Variants in CR1L observed in about 807,000 individuals in gnomAD.
CR1L encodes the protein complement C3b/C4b receptor 1 like.
A neutral mutation model predicts 62.3 loss-of-function variants in CR1L; 59 were observed. The ratio of observed to expected loss-of-function variants is 0.95; its 90% CI spans 0.77 to 1.18. CR1L has a LOEUF of 1.18. Among genes scored for constraint, CR1L ranks in the 50% most tolerant of loss-of-function variants. The pLI is 0.00. For missense variants in CR1L, 700 were observed against 702.8 expected (o/e 1.00, Z 0.04); for synonymous variants, 279 against 248.7 (o/e 1.12, Z -1.15).
At chr1:207,706,240 C>T (rs1664266259) in intron 9 of CR1L, among the ~76,000 whole-genome samples, 1 of 151,362 alleles carries the variant, frequency 6.6e-6, no homozygotes, top group Non-Finnish European at 1.5e-5. Context: ...GGCAATAAGG[C>T]AAAACCCCAT....
intron 4 of CR1L, among the ~76,000 whole-genome samples, chr1:207,685,276 C>T (rs189255829): frequency 3.9e-3 from 589 of 152,284 alleles, no homozygotes; most frequent in African/African-American, 0.013. Flanking sequence ...CTTTTGACTG[C>T]GTAGCATGGT....
At chr1:207,710,848 T>G in intron 10 of CR1L, 1 of 1,405,368 alleles carries the variant, frequency 7.1e-7, no homozygotes, top group Non-Finnish European at 1.0e-6. Flanking sequence ...GATCAGGAGA[T>G]GAGTATTTGT....
chr1:207,690,762 C>T (rs550351510), intron 4 of CR1L, among the ~76,000 whole-genome samples: 1 of 152,314 alleles, frequency 6.6e-6, no homozygotes, highest in East Asian at 1.9e-4. Flanking sequence ...TCTCTTCAGG[C>T]TTCCTTCCAG....
chr1:207,694,750 G>A lies in CR1L; in HGVS notation c.861G>A (p.Arg287=), dbSNP rs775674590. Residue 287 remains arginine (R), a splice_region_variant and synonymous_variant, in exon 5 of 12, where the codon AGG becomes AGA. Coordinates refer to ENST00000508064, the MANE Select transcript of CR1L (RefSeq NM_175710.2). ...KWEPELPSCS[R]VCQPPPDVLH... is the part of the protein sequence containing the mutation. ...AGCCAGAGTTACCAAGCTGCTCCAG[G>A]GGTGAGTCTGACTGAGGCCTAGAAG... 4 of 1,611,864 alleles carry A rather than the reference G, an allele frequency of 2.5e-6. No homozygotes were observed. The highest frequency in any genetic ancestry group is 2.5e-6 in the Non-Finnish European group (3 of 1,179,726).
chr1:207,698,474 A>C (rs543693261), intron 7 of CR1L, among the ~76,000 whole-genome samples: 1 of 152,154 alleles, frequency 6.6e-6, no homozygotes, highest in Non-Finnish European at 1.5e-5. Context: ...ATGTCCACCT[A>C]GTGCTCTTCA....
chr1:207,719,721 C>A (rs1040337852), intron 11 of CR1L, among the ~76,000 whole-genome samples: 2 of 144,074 alleles, frequency 1.4e-5, no homozygotes, highest in Non-Finnish European at 3.0e-5. Context: ...CTGTCTCAAA[C>A]ACACACACAC....
intron 10 of CR1L, among the ~76,000 whole-genome samples, chr1:207,713,164 G>A (rs1320680211): frequency 1.3e-5 from 2 of 152,096 alleles, no homozygotes. Flanking sequence ...CCTAAATACA[G>A]TCACTGATCT....
intron 1 of CR1L, chr1:207,652,524 T>C (rs1388250074): frequency 7.5e-7 from 1 of 1,330,022 alleles, no homozygotes. Flanking sequence ...TTCATCTTCA[T>C]GTTCCTATTC....
At chr1:207,662,867 T>A (rs554152209) in intron 1 of CR1L, among the ~76,000 whole-genome samples, 1 of 152,322 alleles carries the variant, frequency 6.6e-6, no homozygotes, top group South Asian at 2.1e-4. Flanking sequence ...CTTCTAACAG[T>A]CAGGACCCTC....
In CR1L at chr1:207,699,275, G is replaced by C. The variant is rs374206906; in HGVS notation, c.1228+1G>C. On this transcript the variant is annotated splice_donor_variant, in intron 8 of 11. Coordinates refer to ENST00000508064, the MANE Select transcript of CR1L (RefSeq NM_175710.2). LOFTEE classifies it high-confidence loss of function. ...AATAGCAGTGTTCCAGTGTGTGAAC[G>C]TAAGTAATAGGAGTAACATTTCAGG... 2 of 1,613,632 alleles carry C rather than the reference G, an allele frequency of 1.2e-6. No individual in the cohort carries two copies. Among genetic ancestry groups the C allele is most frequent in the Admixed American group, 1.7e-5 (1 of 60,000 alleles).
intron 8 of CR1L, among the ~76,000 whole-genome samples, chr1:207,699,759 A>G (rs1373645081): frequency 6.6e-6 from 1 of 152,214 alleles, no homozygotes; most frequent in Non-Finnish European, 1.5e-5. Context: ...TATTGATCAC[A>G]TACTTTGTGC....
chr1:207,656,892 A>G (rs1046391216), intron 1 of CR1L, among the ~76,000 whole-genome samples: 6 of 152,218 alleles, frequency 3.9e-5, no homozygotes, highest in Admixed American at 6.5e-5. Flanking sequence ...AACCATATCA[A>G]TAGGTATTTA....
chr1:207,674,581 G>A (rs1385020091), intron 1 of CR1L, among the ~76,000 whole-genome samples: 1 of 152,232 alleles, frequency 6.6e-6, no homozygotes, highest in Non-Finnish European at 1.5e-5. Flanking sequence ...ATAAAGGTAA[G>A]AATATTAGGT....
Position 207,668,219 on chromosome 1 carries a change from C to T in CR1L, c.98-9170C>T, listed in dbSNP as rs139347711. ...TATGATGAAAAGATATCTGCACTCTCACATTCAATGATGCACTATTCACAA... is the reference window on the plus strand; with the variant it reads ...TATGATGAAAAGATATCTGCACTCTTACATTCAATGATGCACTATTCACAA... On this transcript the variant is annotated intron_variant, in intron 1 of 11. Coordinates refer to ENST00000508064, the MANE Select transcript of CR1L (RefSeq NM_175710.2). 1.3e-5 allele frequency among the ~76,000 whole-genome samples: 2 copies of T among 151,248 alleles called. 1 individual carries two copies. Among genetic ancestry groups the T allele is most frequent in the African/African-American group, 4.9e-5 (2 of 40,532 alleles).
At chr1:207,706,973 G>A (rs1229039267) in intron 9 of CR1L, among the ~76,000 whole-genome samples, 1 of 152,126 alleles carries the variant, frequency 6.6e-6, no homozygotes, top group Non-Finnish European at 1.5e-5. Flanking sequence ...GGAAAAGGTA[G>A]GCTAGACTTA....
At chr1:207,648,816 T>C (rs1663177808) in intron 1 of CR1L, among the ~76,000 whole-genome samples, 2 of 152,364 alleles carry the variant, frequency 1.3e-5, no homozygotes, top group South Asian at 2.1e-4. Flanking sequence ...CCTGCCAGGA[T>C]ACCAGAAGAC....
chr1:207,688,969 A>G (rs944675185), intron 4 of CR1L, among the ~76,000 whole-genome samples: 1 of 152,166 alleles, frequency 6.6e-6, no homozygotes, highest in Non-Finnish European at 1.5e-5. Context: ...TGAATCTGAC[A>G]AAGTTTTTAA....
chr1:207,649,278 G>A (rs1192781468), intron 1 of CR1L, among the ~76,000 whole-genome samples: 2 of 152,190 alleles, frequency 1.3e-5, no homozygotes, highest in African/African-American at 4.8e-5. Context: ...ATGTGACACT[G>A]CTGGACTGCC....
chr1:207,697,819 T>G lies in CR1L; in HGVS notation c.1088T>G (p.Leu363Arg), dbSNP rs1337671367. The G allele has an allele frequency of 6.2e-7, 1 of 1,613,920 alleles. No individual in the cohort carries two copies. Among genetic ancestry groups the G allele is most frequent in the Non-Finnish European group, 8.5e-7 (1 of 1,179,904 alleles). ...FLGQLPNGHV[L>R]FPLNLQLGAK... is the part of the protein sequence containing the mutation. ...GGCCAACTTCCTAATGGCCATGTGCTATTTCCACTTAATCTCCAGCTTGGA... is the reference window on the plus strand; with the variant it reads ...GGCCAACTTCCTAATGGCCATGTGCGATTTCCACTTAATCTCCAGCTTGGA... Residue 363 changes from leucine to arginine, a missense_variant, in exon 7 of 12, where the codon CTA becomes CGA. Transcript: ENST00000508064.
Sources: allele counts gnomAD v4.1 joint callset (sites outside exome capture counted in the v4.1 genomes callset), GRCh38; gene constraint gnomAD v4.1.1; transcripts MANE v1.5; gene names NCBI Gene and HGNC (gene_info 2026-07-23, HGNC 2026-07-21).